MED27: variants seen among roughly 807,000 people sequenced by gnomAD.
MED27 encodes the protein mediator of RNA polymerase II transcription subunit 27.
Under a neutral mutation model 38.2 loss-of-function variants are expected in MED27, and 30 were observed. The observed-to-expected ratio is 0.79, with a 90% CI of 0.59 to 1.07. The LOEUF is 1.07. MED27 is among the 50% of genes least tolerant of loss of function. MED27 has a pLI of 0.00. For synonymous variants in MED27, 122 were observed against 153.5 expected, an observed-to-expected ratio of 0.79 and a Z score of 1.52; for missense variants, 289 against 397.5, an observed-to-expected ratio of 0.73 and a Z score of 2.32.
At chr9:132,040,420 G>A (rs759042908) in intron 2 of MED27, among the ~76,000 whole-genome samples, 1 of 152,230 alleles carries the variant, frequency 6.6e-6, no homozygotes, top group Non-Finnish European at 1.5e-5. Context: ...AGGTGGGGCC[G>A]TGGAGAGCGG....
intron 3 of MED27, among the ~76,000 whole-genome samples, chr9:131,949,054 G>A (rs1056134476): frequency 1.3e-5 from 2 of 152,238 alleles, no homozygotes; most frequent in South Asian, 4.2e-4. Context: ...TCATGGGTAC[G>A]TCATGAACTA....
intron 4 of MED27, among the ~76,000 whole-genome samples, chr9:131,923,141 A>C (rs1007974482): frequency 6.6e-6 from 1 of 152,180 alleles, no homozygotes; most frequent in Non-Finnish European, 1.5e-5. Flanking sequence ...AGAATTGGGA[A>C]ACGTGCACTC....
At chr9:131,920,415 T>C (rs1830367485) in intron 4 of MED27, among the ~76,000 whole-genome samples, 1 of 152,206 alleles carries the variant, frequency 6.6e-6, no homozygotes, top group South Asian at 2.1e-4. Context: ...CATACATGCA[T>C]GAATCTGAAT....
intron 4 of MED27, among the ~76,000 whole-genome samples, chr9:131,928,507 TTCC>T (rs964523320): frequency 2.6e-5 from 4 of 152,232 alleles, no homozygotes; most frequent in Non-Finnish European, 5.9e-5. Flanking sequence ...CTCCTCCTCC[TTCC>T]TCCAGCAGCT....
At chr9:131,893,674 C>A (rs1196368531) in intron 5 of MED27, among the ~76,000 whole-genome samples, 1 of 152,142 alleles carries the variant, frequency 6.6e-6, no homozygotes, top group Admixed American at 6.5e-5. Flanking sequence ...GGGCATCAGG[C>A]TTAGAGGAAA....
At chr9:132,023,741 C>T (rs537796249) in intron 2 of MED27, among the ~76,000 whole-genome samples, 2 of 151,826 alleles carry the variant, frequency 1.3e-5, no homozygotes, top group African/African-American at 2.4e-5. Flanking sequence ...CGGAAGGAGA[C>T]AGGAAAACAG....
At chr9:132,070,169 C>T (rs1005586377) in intron 2 of MED27, among the ~76,000 whole-genome samples, 1 of 152,256 alleles carries the variant, frequency 6.6e-6, no homozygotes, top group African/African-American at 2.4e-5. Context: ...TAAAGTCTGA[C>T]TCCAGAGCCC....
Position 131,982,872 on chromosome 9 carries a change from A to G in MED27, c.479+31465T>C, listed in dbSNP as rs1446736882. On this transcript the variant is annotated intron_variant, in intron 3 of 7. Transcript: ENST00000292035. This position sits in a 1 kb window ranked among gnomAD's most constrained non-coding sequence, Gnocchi z 4.3. ...CTGTGCTCAATAAAACTCTGTTTAC[A>G]GAAACGGGTAGTAGGCTAGTGGGCC... 6.6e-6 allele frequency among the ~76,000 whole-genome samples: 1 copy of G among 152,252 alleles called. No individual in the cohort carries two copies. The highest frequency in any genetic ancestry group is 1.9e-4 in the East Asian group (1 of 5,206).
At chr9:132,035,252 C>A (rs955901427) in intron 2 of MED27, among the ~76,000 whole-genome samples, 2 of 152,150 alleles carry the variant, frequency 1.3e-5, no homozygotes, top group African/African-American at 4.8e-5. Flanking sequence ...ACTTGTCTAG[C>A]CAAACAGCAT....
chr9:131,998,450 T>C (rs1182963595), intron 3 of MED27, among the ~76,000 whole-genome samples: 2 of 152,100 alleles, frequency 1.3e-5, no homozygotes, highest in African/African-American at 4.8e-5. Context: ...GCTTCACTTA[T>C]CTGCATCCTT....
At chr9:131,977,951 A>G (rs1429308273) in intron 3 of MED27, among the ~76,000 whole-genome samples, 2 of 152,178 alleles carry the variant, frequency 1.3e-5, no homozygotes, top group Non-Finnish European at 2.9e-5. Flanking sequence ...TGGCATGACT[A>G]TATCACCTCC....
chr9:132,007,698 T>C (rs1270733955), intron 3 of MED27, among the ~76,000 whole-genome samples: 4 of 151,874 alleles, frequency 2.6e-5, no homozygotes, highest in Non-Finnish European at 4.4e-5. Flanking sequence ...TGTCTATGAA[T>C]GAGAATGATC....
intron 2 of MED27, among the ~76,000 whole-genome samples, chr9:132,042,738 T>C (rs1411574521): frequency 6.6e-6 from 1 of 152,236 alleles, no homozygotes; most frequent in Non-Finnish European, 1.5e-5. Context: ...TGAATGTTGA[T>C]GTGAGTTATA....
At position 131,982,477 on chromosome 9, in the gene MED27, T is replaced by C. The variant is rs1253566577; in HGVS notation, c.479+31860A>G. Among the ~76,000 whole-genome samples, 1 of 152,230 alleles carries C rather than the reference T, an allele frequency of 6.6e-6. No individual in the cohort carries two copies. Among genetic ancestry groups the C allele is most frequent in the Non-Finnish European group, 1.5e-5 (1 of 68,042 alleles). ...CACAATCGTGAGTAAATAAAATGTT[T>C]TGTTGTAAGTAGCCAAGTTTTGTCA... is the stretch of plus-strand genomic sequence containing the variant. On this transcript the variant is annotated intron_variant, in intron 3 of 7. Coordinates refer to ENST00000292035, the MANE Select transcript of MED27 (RefSeq NM_004269.4). This position sits in a 1 kb window ranked among gnomAD's most constrained non-coding sequence, Gnocchi z 4.3.
chr9:131,912,064 C>T (rs117603008), intron 4 of MED27, among the ~76,000 whole-genome samples: 6 of 152,266 alleles, frequency 3.9e-5, no homozygotes, highest in East Asian at 1.9e-4. Flanking sequence ...CCTACCACCC[C>T]GAGGAACTGA....
chr9:131,905,924 G>T (rs550381787), intron 4 of MED27, among the ~76,000 whole-genome samples: 1 of 152,014 alleles, frequency 6.6e-6, no homozygotes, highest in African/African-American at 2.4e-5. Context: ...GGCACCCAGA[G>T]TGAGAAATGA....
At chr9:131,946,957 CTT>C (rs1830897749) in intron 3 of MED27, among the ~76,000 whole-genome samples, 1 of 152,176 alleles carries the variant, frequency 6.6e-6, no homozygotes, top group African/African-American at 2.4e-5. Context: ...CTCCTGTCCC[CTT>C]TGTCATTAAA....
intron 5 of MED27, among the ~76,000 whole-genome samples, chr9:131,887,458 G>A (rs1484060403): frequency 6.6e-6 from 1 of 152,186 alleles, no homozygotes. Flanking sequence ...CTTTTGCTAG[G>A]AGTGCACAGC....
At chr9:131,914,849 T>G (rs2131542995) in intron 4 of MED27, among the ~76,000 whole-genome samples, 1 of 152,288 alleles carries the variant, frequency 6.6e-6, no homozygotes, top group East Asian at 1.9e-4. Context: ...GTGAGTGAAT[T>G]CTGGATATGC....
Sources: allele counts gnomAD v4.1 joint callset (sites outside exome capture counted in the v4.1 genomes callset), GRCh38; gene constraint gnomAD v4.1.1; non-coding constraint Gnocchi (gnomAD v3.1); transcripts MANE v1.5; gene names NCBI Gene and HGNC (gene_info 2026-07-23, HGNC 2026-07-21).